Variants in SUPT3H observed in about 807,000 individuals in gnomAD.
SUPT3H encodes the protein transcription initiation protein SPT3 homolog.
A neutral mutation model predicts 44.3 loss-of-function variants in SUPT3H; 44 were observed. The ratio of observed to expected loss-of-function variants is 0.99; its 90% confidence interval spans 0.78 to 1.28. The LOEUF (loss-of-function observed/expected upper bound fraction) is 1.28. Among genes scored for constraint, SUPT3H ranks in the 50% most tolerant of loss-of-function variants. The pLI, the probability that SUPT3H is intolerant of heterozygous loss-of-function variation, is 0.00. For synonymous variants in SUPT3H, 124 were observed against 125.6 expected, an observed-to-expected ratio of 0.99 and a Z score of 0.09; for missense variants, 380 against 387.1, an observed-to-expected ratio of 0.98 and a Z score of 0.15.
intron 3 of SUPT3H, among the ~76,000 whole-genome samples, chr6:45,075,562 T>A (rs976283266): frequency 6.6e-6 from 1 of 152,164 alleles, no homozygotes; most frequent in African/African-American, 2.4e-5. Flanking sequence ...TTTCTCGTCA[T>A]GAAATTCCAT....
chr6:44,884,414 A>G (rs1778783998), intron 10 of SUPT3H, among the ~76,000 whole-genome samples: 1 of 152,206 alleles, frequency 6.6e-6, no homozygotes, highest in Non-Finnish European at 1.5e-5. Context: ...TGGGAGTGTA[A>G]ATCAGTTCAA....
intron 10 of SUPT3H, among the ~76,000 whole-genome samples, chr6:44,905,142 A>G (rs1765784299): frequency 6.6e-6 from 1 of 152,152 alleles, no homozygotes; most frequent in Non-Finnish European, 1.5e-5. Flanking sequence ...ACCAAAAGCA[A>G]TGGCAACAGA....
At position 45,250,049 on chromosome 6, in the gene SUPT3H, CA is replaced by C. The variant is rs567022256; in HGVS notation, c.101+115151del. 1.2e-4 allele frequency among the ~76,000 whole-genome samples: 18 copies of C among 152,046 alleles called. No homozygotes were observed. The South Asian group carries it at 3.7e-3, about 32-fold the overall frequency. On this transcript the variant is annotated intron_variant, in intron 2 of 10. Transcript: ENST00000371459. ...AATTCTATCACTGAGGAATCCTGCA[CA>C]AAAAAACAGCCAGATCTCTACCTGG...
At chr6:45,210,632 G>A (rs915643607) in intron 2 of SUPT3H, among the ~76,000 whole-genome samples, 3 of 152,136 alleles carry the variant, frequency 2.0e-5, no homozygotes, top group African/African-American at 7.2e-5. Flanking sequence ...ACCACCTTGA[G>A]CACATGTCAT....
At chr6:45,360,307 G>C (rs1277441832) in intron 2 of SUPT3H, among the ~76,000 whole-genome samples, 1 of 152,140 alleles carries the variant, frequency 6.6e-6, no homozygotes, top group African/African-American at 2.4e-5. Context: ...GCATATGGAA[G>C]TACTCAAGAG....
At chr6:45,163,266 C>A (rs116054216) in intron 2 of SUPT3H, among the ~76,000 whole-genome samples, 4 of 152,138 alleles carry the variant, frequency 2.6e-5, no homozygotes, top group Admixed American at 2.0e-4. Context: ...ATTCATTTCA[C>A]TGCTAATTGC....
At chr6:45,173,447 T>A (rs1811160616) in intron 2 of SUPT3H, among the ~76,000 whole-genome samples, 1 of 152,202 alleles carries the variant, frequency 6.6e-6, no homozygotes, top group African/African-American at 2.4e-5. Flanking sequence ...AAAACTAGTG[T>A]TTCACAGAGA....
At chr6:45,262,155 C>T (rs543421818) in intron 2 of SUPT3H, among the ~76,000 whole-genome samples, 1 of 152,174 alleles carries the variant, frequency 6.6e-6, no homozygotes, top group South Asian at 2.1e-4. Flanking sequence ...CTGCACAAGG[C>T]AATTTACAGA....
intron 2 of SUPT3H, among the ~76,000 whole-genome samples, chr6:45,157,847 G>C (rs1216983759): frequency 6.6e-6 from 1 of 151,418 alleles, no homozygotes; most frequent in African/African-American, 2.4e-5. Flanking sequence ...CACCCGGCCA[G>C]CATTATATTT....
intron 2 of SUPT3H, among the ~76,000 whole-genome samples, chr6:45,192,521 T>G (rs902438455): frequency 6.6e-6 from 1 of 152,166 alleles, no homozygotes; most frequent in Non-Finnish European, 1.5e-5. Flanking sequence ...CCCAAATAAG[T>G]CAGCCTAACA....
chr6:45,177,667 GA>G (rs1812230405), intron 2 of SUPT3H, among the ~76,000 whole-genome samples: 1 of 151,354 alleles, frequency 6.6e-6, no homozygotes, highest in South Asian at 2.1e-4. Flanking sequence ...GGCAGCCACA[GA>G]GAAAGGTCGG....
At chr6:45,377,090 G>C (rs1212143587) in intron 1 of SUPT3H, among the ~76,000 whole-genome samples, 1 of 142,286 alleles carries the variant, frequency 7.0e-6, no homozygotes, top group East Asian at 1.9e-4. Flanking sequence ...GATTCTCTGA[G>C]AAAATAAGGT....
chr6:45,004,899 C>G (rs956125742), intron 5 of SUPT3H, among the ~76,000 whole-genome samples: 3 of 152,122 alleles, frequency 2.0e-5, no homozygotes, highest in African/African-American at 7.2e-5. Context: ...TAATATTTTA[C>G]AGTATGTATG....
chr6:45,267,182 A>G (rs937255338), intron 2 of SUPT3H, among the ~76,000 whole-genome samples: 2 of 152,170 alleles, frequency 1.3e-5, no homozygotes, highest in Non-Finnish European at 2.9e-5. Flanking sequence ...TGAGATACTC[A>G]ACCTGTATTA....
At chr6:44,924,650 A>G (rs986103421) in intron 10 of SUPT3H, among the ~76,000 whole-genome samples, 3 of 152,144 alleles carry the variant, frequency 2.0e-5, no homozygotes, top group Admixed American at 1.3e-4. Flanking sequence ...GGTGATTAAA[A>G]TTAAAAGTAA....
chr6:44,940,114 A>G (rs1342323157), intron 9 of SUPT3H, among the ~76,000 whole-genome samples: 4 of 151,292 alleles, frequency 2.6e-5, no homozygotes, highest in African/African-American at 4.9e-5. Flanking sequence ...TTGCTTTTCT[A>G]ATTCCTTGAG....
intron 2 of SUPT3H, among the ~76,000 whole-genome samples, chr6:45,335,879 C>A (rs775204580): frequency 1.3e-5 from 2 of 151,158 alleles, no homozygotes; most frequent in Admixed American, 6.6e-5. Flanking sequence ...CAGCTTTTGA[C>A]AAAATGCAGA....
intron 2 of SUPT3H, among the ~76,000 whole-genome samples, chr6:45,212,791 C>T (rs1764355899): frequency 6.6e-6 from 1 of 152,142 alleles, no homozygotes; most frequent in African/African-American, 2.4e-5. Context: ...TTAGGATCTA[C>T]TCTTGATACC....
At chr6:45,250,723 T>C (rs978321435) in intron 2 of SUPT3H, among the ~76,000 whole-genome samples, 9 of 151,468 alleles carry the variant, frequency 5.9e-5, no homozygotes, top group African/African-American at 2.2e-4. Flanking sequence ...CAGCACAGTA[T>C]CACAAAATTT....
Sources: gnomAD v4.1 joint callset for allele counts (sites outside exome capture counted in the v4.1 genomes callset) on GRCh38, gnomAD v4.1.1 for gene constraint, MANE v1.5 for transcripts, NCBI Gene and HGNC (gene_info 2026-07-23, HGNC 2026-07-21) for gene names.